Variants in CSMD1 observed in about 807,000 individuals in gnomAD.
CSMD1 encodes the protein CUB and Sushi multiple domains 1, also known as CUB and sushi domain-containing protein 1.
CSMD1 carries 213 observed loss-of-function variants against 417.5 expected under a neutral mutation model. That is an observed-to-expected ratio of 0.51 (90% confidence interval 0.46 to 0.57). The LOEUF is 0.57. Among genes scored for constraint, CSMD1 ranks in the 20% least tolerant of loss-of-function variants. CSMD1 has a pLI of 0.00. For synonymous variants in CSMD1, 2,862 were observed against 1,736.8 expected (o/e 1.65, Z -16.11); for missense variants, 6,923 against 4,529.7 (o/e 1.53, Z -15.17).
intron 1 of CSMD1, among the ~76,000 whole-genome samples, chr8:4,732,039 C>T (rs1281438179): frequency 6.6e-6 from 1 of 152,110 alleles, no homozygotes; most frequent in Admixed American, 6.6e-5. Context: ...CTGCATGCCT[C>T]CCCCATGCCC....
intron 5 of CSMD1, among the ~76,000 whole-genome samples, chr8:3,849,909 A>T (rs888595544): frequency 6.6e-6 from 1 of 152,026 alleles, no homozygotes. Context: ...TCCACCTCCC[A>T]GTTCAAGCAA....
At position 3,214,480 on chromosome 8, in the gene CSMD1, C is replaced by A. The variant is rs1246220238; in HGVS notation, c.4867+17G>T. On this transcript the variant is annotated intron_variant, in intron 30 of 69. Coordinates refer to ENST00000635120, the MANE Select transcript of CSMD1 (RefSeq NM_033225.6). ...AGGAAAGTTGTATTTCTAGAAAATACCCAAGCGTGCACTCACCATTGCAGG... is the reference window on the plus strand; with the variant it reads ...AGGAAAGTTGTATTTCTAGAAAATAACCAAGCGTGCACTCACCATTGCAGG... 1 of 1,521,538 alleles carries A rather than the reference C, an allele frequency of 6.6e-7. No homozygotes were observed. Among genetic ancestry groups the A allele is most frequent in the Non-Finnish European group, 8.8e-7 (1 of 1,135,394 alleles). The allele number at this position is 1,521,538 out of a possible 1,614,324, so 94.3% of individuals were successfully genotyped here.
At chr8:3,884,252 G>A (rs1289004994) in intron 5 of CSMD1, among the ~76,000 whole-genome samples, 1 of 152,148 alleles carries the variant, frequency 6.6e-6, no homozygotes, top group Non-Finnish European at 1.5e-5. Flanking sequence ...CTAATGGCAA[G>A]TCTAACCTGT....
intron 62 of CSMD1, among the ~76,000 whole-genome samples, chr8:2,960,302 G>T (rs1404227966): frequency 6.6e-6 from 1 of 152,234 alleles, no homozygotes. Flanking sequence ...CCTGTGGGAT[G>T]CAAGAGAGCT....
rs536364520 is a variant in CSMD1, at chr8:3,802,709, C to T, written c.819-48667G>A. Among the ~76,000 whole-genome samples the T allele has an allele frequency of 1.3e-5, 2 of 152,250 alleles. 1 individual carries two copies. The highest frequency in any genetic ancestry group is 4.1e-4 in the South Asian group (2 of 4,832). On this transcript the variant is annotated intron_variant, in intron 5 of 69. Coordinates refer to ENST00000635120, the MANE Select transcript of CSMD1 (RefSeq NM_033225.6). ...AAACGCAATAAAATATAGTGCTTGA[C>T]AATTTTAATTTATTTTAATTAAAAG...
intron 2 of CSMD1, among the ~76,000 whole-genome samples, chr8:4,590,736 CT>C (rs1409964366): frequency 6.6e-6 from 1 of 151,972 alleles, no homozygotes; most frequent in Non-Finnish European, 1.5e-5. Context: ...TGCTTTTATG[CT>C]TTTGGTTTTC....
At chr8:3,204,848 G>A (rs1797164652) in intron 31 of CSMD1, among the ~76,000 whole-genome samples, 1 of 152,170 alleles carries the variant, frequency 6.6e-6, no homozygotes, top group African/African-American at 2.4e-5. Flanking sequence ...GTTTACTCCA[G>A]AAAAGAATCT....
In CSMD1 at chr8:4,135,576, T is replaced by C. The variant is rs532817899; in HGVS notation, c.416-103477A>G. Among the ~76,000 whole-genome samples the C allele has an allele frequency of 3.9e-5, 6 of 152,130 alleles. No homozygotes were observed. In the South Asian group the frequency reaches 1.0e-3, roughly 26 times the overall value. On this transcript the variant is annotated intron_variant, in intron 3 of 69. Coordinates refer to ENST00000635120, the MANE Select transcript of CSMD1 (RefSeq NM_033225.6). ...CAAATATTAAATAAGAAGAAATGAG[T>C]TTTGATTCTTAAAATATCAAGAGGA...
At chr8:4,628,527 A>C (rs183285173) in intron 2 of CSMD1, among the ~76,000 whole-genome samples, 29 of 151,820 alleles carry the variant, frequency 1.9e-4, no homozygotes, top group Admixed American at 9.2e-4. Flanking sequence ...AGAGAGAGAA[A>C]GAGACATAGG....
chr8:3,568,656 C>A (rs898431175), intron 10 of CSMD1, among the ~76,000 whole-genome samples: 1 of 151,988 alleles, frequency 6.6e-6, no homozygotes, highest in Admixed American at 6.6e-5. Context: ...TAACTTAGAA[C>A]ACACACCTCT....
At chr8:4,201,504 G>T (rs1210776783) in intron 3 of CSMD1, among the ~76,000 whole-genome samples, 1 of 118,354 alleles carries the variant, frequency 8.4e-6, no homozygotes, top group Non-Finnish European at 1.6e-5. Context: ...CGCCACTGCC[G>T]TCCGGCCTAG....
intron 10 of CSMD1, among the ~76,000 whole-genome samples, chr8:3,496,927 T>C (rs915763101): frequency 1.3e-5 from 2 of 152,252 alleles, no homozygotes; most frequent in Admixed American, 1.3e-4. Flanking sequence ...ACATGTTTAA[T>C]TTCCATGTAT....
chr8:4,170,792 T>C (rs931752984), intron 3 of CSMD1, among the ~76,000 whole-genome samples: 6 of 151,854 alleles, frequency 4.0e-5, no homozygotes, highest in Non-Finnish European at 5.9e-5. Flanking sequence ...ATGGTTCTGT[T>C]TGGGGATTAC....
At chr8:3,809,095 C>T (rs765160185) in intron 5 of CSMD1, among the ~76,000 whole-genome samples, 2 of 152,136 alleles carry the variant, frequency 1.3e-5, no homozygotes, top group Non-Finnish European at 2.9e-5. Context: ...TATATGACAA[C>T]CTGCCACCGG....
At chr8:3,959,669 G>T (rs2627490) in intron 5 of CSMD1, among the ~76,000 whole-genome samples, 1 of 151,938 alleles carries the variant, frequency 6.6e-6, no homozygotes, top group Non-Finnish European at 1.5e-5. Context: ...TTTGACTTAT[G>T]TCCTAGTACA....
intron 3 of CSMD1, among the ~76,000 whole-genome samples, chr8:4,276,825 T>G (rs1010832525): frequency 6.6e-6 from 1 of 152,130 alleles, no homozygotes; most frequent in Admixed American, 6.6e-5. Context: ...TAAATCTCTT[T>G]TCAGAAATAC....
intron 3 of CSMD1, among the ~76,000 whole-genome samples, chr8:4,222,389 TC>T (rs1360832470): frequency 2.0e-5 from 3 of 149,374 alleles, no homozygotes; most frequent in Non-Finnish European, 3.0e-5. Flanking sequence ...TCCATCTTAT[TC>T]TGTAAACAGA....
chr8:4,947,792 A>C (rs1245999197), intron 1 of CSMD1, among the ~76,000 whole-genome samples: 2 of 152,096 alleles, frequency 1.3e-5, no homozygotes, highest in African/African-American at 4.8e-5. Flanking sequence ...TTCAAACAAA[A>C]ATATGTTTCT....
intron 1 of CSMD1, among the ~76,000 whole-genome samples, chr8:4,896,349 G>A (rs1804479532): frequency 6.6e-6 from 1 of 151,882 alleles, no homozygotes; most frequent in Admixed American, 6.6e-5. Flanking sequence ...CTGCATATTT[G>A]AGCTTAACAC....
Sources: gnomAD v4.1 joint callset for allele counts (sites outside exome capture counted in the v4.1 genomes callset) on GRCh38, gnomAD v4.1.1 for gene constraint, MANE v1.5 for transcripts, NCBI Gene and HGNC (gene_info 2026-07-23, HGNC 2026-07-21) for gene names.